The following PPP6R1 variants were observed in gnomAD, a reference collection of about 807,000 sequenced individuals.
PPP6R1 encodes the protein serine/threonine-protein phosphatase 6 regulatory subunit 1.
In PPP6R1, 39 loss-of-function variants were observed where a neutral mutation model predicts 104.6. The observed-to-expected ratio is 0.37, with a 90% CI of 0.29 to 0.49. The LOEUF (loss-of-function observed/expected upper bound fraction) is 0.49, where lower values mean the gene tolerates loss of function less well. PPP6R1 is among the 20% of genes least tolerant of loss of function. The pLI, the probability that PPP6R1 is intolerant of heterozygous loss-of-function variation, is 0.98. For synonymous variants in PPP6R1, 549 were observed against 479.0 expected (o/e 1.15, Z -1.91); for missense variants, 1,181 against 1,155.8 (o/e 1.02, Z -0.32).
chr19:55,235,089 G>T (rs544629109), intron 17 of PPP6R1, among the ~76,000 whole-genome samples: 1 of 151,932 alleles, frequency 6.6e-6, no homozygotes, highest in African/African-American at 2.4e-5. Flanking sequence ...GCCTAATTCC[G>T]AAATCAAAAG....
chr19:55,249,518 G>C (rs561699857), intron 1 of PPP6R1, among the ~76,000 whole-genome samples: 2 of 152,038 alleles, frequency 1.3e-5, no homozygotes, highest in African/African-American at 4.8e-5. Context: ...TGGGATTACA[G>C]GCATGAGCCA....
chr19:55,228,286 G>C (rs1278608752), downstream of PPP6R1: 1 of 1,613,490 alleles, frequency 6.2e-7, no homozygotes, highest in Admixed American at 1.7e-5. Context: ...CCCGCTTGGG[G>C]ACATGACCCA....
intron 15 of PPP6R1, among the ~76,000 whole-genome samples, chr19:55,238,082 A>G (rs2087415299): frequency 6.6e-6 from 1 of 152,064 alleles, no homozygotes; most frequent in African/African-American, 2.4e-5. Context: ...TTAATTAAAA[A>G]AGCAGAGATG....
intron 1 of PPP6R1, among the ~76,000 whole-genome samples, chr19:55,257,139 T>G (rs1339521508): frequency 7.0e-6 from 1 of 143,494 alleles, no homozygotes; most frequent in African/African-American, 2.5e-5. Context: ...CCAACAGCCA[T>G]CCCACCACTA....
chr19:55,247,255 C>T (rs755505460), intron 1 of PPP6R1, 146 bp from the exon 2 acceptor site: 64 of 815,234 alleles, frequency 7.9e-5, no homozygotes, highest in South Asian at 4.5e-4. Flanking sequence ...AGCCCGGCCC[C>T]GCCCCGGGAC....
At chr19:55,235,071 T>C (rs775534229) in intron 17 of PPP6R1, among the ~76,000 whole-genome samples, 8 of 152,116 alleles carry the variant, frequency 5.3e-5, no homozygotes, top group African/African-American at 9.7e-5. Flanking sequence ...CAATAAAAAG[T>C]GAAAACAGCC....
Position 55,258,475 on chromosome 19 carries a change from C to T in PPP6R1, c.-47G>A, listed in dbSNP as rs2087612489. The T allele has an allele frequency of 6.7e-6, 1 of 149,328 alleles. No homozygotes were observed. The highest frequency in any genetic ancestry group is 1.5e-5 in the Non-Finnish European group (1 of 66,872). 9.3% of individuals were successfully genotyped at this position (149,328 alleles called of 1,614,324 possible). On this transcript the variant is annotated 5_prime_UTR_variant, in exon 1 of 24. Transcript: ENST00000412770. The stretch of plus-strand genomic sequence containing the variant: ...GCGGCTCCTCGCACTCGGGGCTCAT[C>T]GGGGCGCCCCCCCCCGCCCCGCCGC...
chr19:55,250,856 CT>C (rs1459174362), intron 1 of PPP6R1, among the ~76,000 whole-genome samples: 1 of 152,136 alleles, frequency 6.6e-6, no homozygotes, highest in African/African-American at 2.4e-5. Flanking sequence ...CAGGCGACCC[CT>C]GCTCGTTCCC....
rs748819853 is a variant in PPP6R1 at position 55,239,513 on chromosome 19, G to A, written c.1654-11C>T. The A allele has an allele frequency of 6.2e-7, 1 of 1,613,588 alleles. No individual in the cohort carries two copies. Among genetic ancestry groups the A allele is most frequent in the Non-Finnish European group, 8.5e-7 (1 of 1,179,602 alleles). On this transcript the variant is annotated splice_polypyrimidine_tract_variant and intron_variant, in intron 14 of 23. Coordinates refer to ENST00000412770, the MANE Select transcript of PPP6R1 (RefSeq NM_014931.4). ...GAAGTCCATGAAGGCCTGTGGGGGTGCGGAGGTTAGGGCTGGAGGGAGTTG... is the reference window on the plus strand; with the variant it reads ...GAAGTCCATGAAGGCCTGTGGGGGTACGGAGGTTAGGGCTGGAGGGAGTTG...
chr19:55,230,517 G>A lies in PPP6R1; in HGVS notation c.*11C>T, dbSNP rs936570376. Reference sequence around the variant, plus strand: ...GACGGAAGATTTGGCCGCCGCTGCCGCACCAGGCAGCTATCTGGAAACAGA... The same window carrying A: ...GACGGAAGATTTGGCCGCCGCTGCCACACCAGGCAGCTATCTGGAAACAGA... On this transcript the variant is annotated 3_prime_UTR_variant, in exon 24 of 24. Coordinates refer to ENST00000412770, the MANE Select transcript of PPP6R1 (RefSeq NM_014931.4). 26 of 1,613,200 alleles carry A rather than the reference G, an allele frequency of 1.6e-5. No individual in the cohort carries two copies. The highest frequency in any genetic ancestry group is 4.0e-5 in the African/African-American group (3 of 74,908).
chr19:55,245,151 A>G lies in PPP6R1; in HGVS notation c.587T>C (p.Ile196Thr). 1 of 1,613,528 alleles carries G rather than the reference A, an allele frequency of 6.2e-7. No homozygotes were observed. The highest frequency in any genetic ancestry group is 8.5e-7 in the Non-Finnish European group (1 of 1,179,776). Residue 196 changes from isoleucine to threonine, a missense_variant, in exon 5 of 24, where the codon ATT (isoleucine) becomes ACT (threonine). Ile to Thr is a moderately conservative substitution (Grantham distance 89). This residue lies in a region of PPP6R1 where 1,042 missense variants were observed against 955.6 expected (regional missense o/e 1.09). Transcript: ENST00000412770. The surrounding 1 kb of genome is among the most constrained non-coding windows in gnomAD (Gnocchi z 6.4). ...LNEEKIVQRL[I>T]EQIHPSKDEN... is the part of the protein sequence containing the mutation. ...ATCCTTCGACGGGTGGATCTGCTCA[A>G]TCAGCCGCTGGACGATCTTCTCCTC...
At chr19:55,253,701 G>T (rs1216184721) in intron 1 of PPP6R1, among the ~76,000 whole-genome samples, 1 of 152,140 alleles carries the variant, frequency 6.6e-6, no homozygotes, top group Non-Finnish European at 1.5e-5. Flanking sequence ...AAATATGGAA[G>T]AACAGAAAAA....
chr19:55,246,952 G>A lies in PPP6R1; in HGVS notation c.152C>T (p.Pro51Leu), dbSNP rs2087514217. The A allele has an allele frequency of 6.2e-7, 1 of 1,613,724 alleles. No homozygotes were observed. ...NRKLLDFLLQ[P>L]PHLQAMVAWV... is the part of the protein sequence containing the mutation. Reference sequence around the variant, plus strand: ...GGCCACCATTGCTTGCAGGTGGGGTGGCTGCAGCAGGAAGTCCAGCAGCTT... The same window carrying A: ...GGCCACCATTGCTTGCAGGTGGGGTAGCTGCAGCAGGAAGTCCAGCAGCTT... The change falls in exon 2 of 24, where the codon CCA becomes CTA. Residue 51 changes from proline (P) to leucine (L), a missense_variant. Around this residue, in one of 2 missense-constraint regions of PPP6R1, gnomAD observed 139 missense variants for 200.1 expected, o/e 0.69. Transcript: ENST00000412770.
At chr19:55,239,761 A>C in intron 13 of PPP6R1, 65 bp downstream of exon 13, 1 of 1,590,888 alleles carries the variant, frequency 6.3e-7, no homozygotes, top group Non-Finnish European at 8.6e-7. Context: ...TGGCGGTGGG[A>C]GGCTAAGACT....
intron 1 of PPP6R1, among the ~76,000 whole-genome samples, chr19:55,249,432 G>C (rs1232396856): frequency 6.6e-6 from 1 of 152,140 alleles, no homozygotes; most frequent in Non-Finnish European, 1.5e-5. Context: ...GTAGAGATGG[G>C]ATTTCACCAC....
Position 55,241,257 on chromosome 19 carries a change from G to A in PPP6R1, c.1143C>T (p.Asp381=), listed in dbSNP as rs368344822. ...CCCGCACCAGCATGGTGTTGGGCAC[G>A]TCCAGTGCCAGGAGCTCGTGCGTCA... is the stretch of plus-strand genomic sequence containing the variant. ...AALTHELLAL[D]VPNTMLDLFF... The change falls in exon 9 of 24, where the codon GAC becomes GAT. Residue 381 remains aspartate (D), a synonymous_variant. Transcript: ENST00000412770. The surrounding 1 kb of genome is among the most constrained non-coding windows in gnomAD (Gnocchi z 5.4). 9.5e-5 allele frequency: 146 copies of A among 1,544,634 alleles called. No individual in the cohort carries two copies. Among genetic ancestry groups the A allele is most frequent in the African/African-American group, 1.8e-4 (13 of 72,162 alleles).
At chr19:55,238,365 C>A (rs1385357649) in intron 15 of PPP6R1, among the ~76,000 whole-genome samples, 1 of 152,238 alleles carries the variant, frequency 6.6e-6, no homozygotes, top group African/African-American at 2.4e-5. Flanking sequence ...CCAGGAACAG[C>A]TGACTATCCC....
rs772172012 is a variant in PPP6R1 at position 55,245,402 on chromosome 19, G to T, written c.415C>A (p.Leu139Ile). 3 of 1,613,558 alleles carry T rather than the reference G, an allele frequency of 1.9e-6. No individual in the cohort carries two copies. Among genetic ancestry groups the T allele is most frequent in the Non-Finnish European group, 2.5e-6 (3 of 1,179,788 alleles). ...GILINRKTDQ[L>I]VSFLRKKDDF... ...TCCTTCTTCCGAAGAAAGGACACGA[G>T]CTGGGGGCACACGGGCTGCGTCATG... Residue 139 changes from leucine to isoleucine, a missense_variant and splice_region_variant, in exon 4 of 24, where the codon CTC (leucine) becomes ATC (isoleucine). Around this residue, in one of 2 missense-constraint regions of PPP6R1, gnomAD observed 139 missense variants for 200.1 expected, o/e 0.69. Transcript: ENST00000412770. This position sits in a 1 kb window ranked among gnomAD's most constrained non-coding sequence, Gnocchi z 6.4.
intron 11 of PPP6R1, 60 bp downstream of exon 11, chr19:55,240,176 C>G: frequency 4.5e-6 from 7 of 1,562,038 alleles, no homozygotes; most frequent in Non-Finnish European, 5.2e-6. Context: ...CCAGCCCCAG[C>G]CCGGCCCCCC....
Sources: allele counts gnomAD v4.1 joint callset (sites outside exome capture counted in the v4.1 genomes callset), GRCh38; gene constraint gnomAD v4.1.1; regional missense constraint gnomAD v4.1.1; non-coding constraint Gnocchi (gnomAD v3.1); transcripts MANE v1.5; gene names NCBI Gene and HGNC (gene_info 2026-07-23, HGNC 2026-07-21).